The following SNX13 variants were observed in gnomAD, a reference collection of about 807,000 sequenced individuals.
SNX13 encodes the protein sorting nexin 13, also known as sorting nexin-13.
A neutral mutation model predicts 133.6 loss-of-function variants in SNX13; 45 were observed. The ratio of observed to expected loss-of-function variants is 0.34; its 90% CI spans 0.27 to 0.43. The LOEUF (loss-of-function observed/expected upper bound fraction) is 0.43. Ranked by LOEUF, SNX13 falls within the 20% of genes least tolerant of loss-of-function variation. SNX13 has a pLI of 1.00. For missense variants in SNX13, 1,032 were observed against 1,145.1 expected (o/e 0.90, Z 1.43); for synonymous variants, 414 against 373.9 (o/e 1.11, Z -1.24).
chr7:17,940,218 T>A, intron 1 of SNX13, 66 bp downstream of exon 1: 2 of 1,549,836 alleles, frequency 1.3e-6, no homozygotes, highest in Non-Finnish European at 1.7e-6. Flanking sequence ...GATGATGTTC[T>A]CTGACGGGCT....
chr7:17,847,641 T>G (rs1790703787), intron 11 of SNX13, among the ~76,000 whole-genome samples: 2 of 152,260 alleles, frequency 1.3e-5, no homozygotes, highest in Non-Finnish European at 2.9e-5. Context: ...TGCTTTTTCC[T>G]GCTTTAAAGC....
In SNX13 at chr7:17,834,454, G is replaced by T. The variant is rs538577016; in HGVS notation, c.1465-270C>A. On this transcript the variant is annotated intron_variant, in intron 14 of 25. Coordinates refer to ENST00000428135, the MANE Select transcript of SNX13 (RefSeq NM_015132.5). ...AAACAAGTACATGTAAAGGTTCAAGGCTCATGTTAAAATGAATTTGAAAGA... is the reference window on the plus strand; with the variant it reads ...AAACAAGTACATGTAAAGGTTCAAGTCTCATGTTAAAATGAATTTGAAAGA... Among the ~76,000 whole-genome samples, 4 of 151,790 alleles carry T rather than the reference G, an allele frequency of 2.6e-5. No individual in the cohort carries two copies. In the South Asian group the frequency reaches 8.3e-4, roughly 32 times the overall value.
chr7:17,830,326 T>A (rs924288973), intron 15 of SNX13: 5 of 984,388 alleles, frequency 5.1e-6, no homozygotes, highest in Non-Finnish European at 3.6e-6. Flanking sequence ...TATTAAATGT[T>A]TTTATTCTCA....
chr7:17,861,342 T>TCACACACACACACA (rs59119505), intron 9 of SNX13, among the ~76,000 whole-genome samples: 6 of 143,120 alleles, frequency 4.2e-5, no homozygotes, highest in Non-Finnish European at 4.6e-5. Context: ...TACAGTTATC[T>TCACACACACACACA]CACACACACA....
At chr7:17,835,707 TA>T (rs796877015) in intron 13 of SNX13, among the ~76,000 whole-genome samples, 1 of 150,870 alleles carries the variant, frequency 6.6e-6, no homozygotes, top group South Asian at 2.1e-4. Context: ...ATTTATCCAA[TA>T]AAATAAAGAA....
rs915432547 is a variant in SNX13, at chr7:17,831,588, C to A, written c.1598-1541G>T. ...AGAAAAACCACCAGAGGATACAGTACTATACCATATGATATGACTTGGTCC... is the reference window on the plus strand; with the variant it reads ...AGAAAAACCACCAGAGGATACAGTAATATACCATATGATATGACTTGGTCC... On this transcript the variant is annotated intron_variant, in intron 15 of 25. Coordinates refer to ENST00000428135, the MANE Select transcript of SNX13 (RefSeq NM_015132.5). 42 of 984,112 alleles carry A rather than the reference C, an allele frequency of 4.3e-5. No individual in the cohort carries two copies. The African/African-American group carries it at 7.0e-4, about 16-fold the overall frequency. The allele number at this position is 984,112 out of a possible 1,614,324, so 61.0% of individuals were successfully genotyped here.
chr7:17,872,366 C>T (rs971496027), intron 8 of SNX13, among the ~76,000 whole-genome samples: 6 of 152,106 alleles, frequency 3.9e-5, no homozygotes, highest in Admixed American at 1.3e-4. Context: ...TGAGATTCCA[C>T]GTAACAGTAG....
intron 9 of SNX13, among the ~76,000 whole-genome samples, chr7:17,852,171 C>A (rs900777917): frequency 6.6e-6 from 1 of 152,164 alleles, no homozygotes; most frequent in East Asian, 1.9e-4. Flanking sequence ...GTCAGGAGTT[C>A]GAGACCAGCC....
chr7:17,876,393 C>T (rs898380201), intron 5 of SNX13, among the ~76,000 whole-genome samples: 2 of 152,056 alleles, frequency 1.3e-5, no homozygotes, highest in African/African-American at 4.8e-5. Context: ...CCAGCCTAGT[C>T]GACATGGTGA....
intron 9 of SNX13, among the ~76,000 whole-genome samples, chr7:17,856,107 G>A (rs762345646): frequency 2.0e-5 from 3 of 152,216 alleles, no homozygotes; most frequent in South Asian, 2.1e-4. Context: ...GGCAAGAGAA[G>A]TAGAATTAGA....
At chr7:17,864,587 T>C (rs1156524873) in intron 9 of SNX13, among the ~76,000 whole-genome samples, 2 of 152,080 alleles carry the variant, frequency 1.3e-5, no homozygotes, top group African/African-American at 4.8e-5. Flanking sequence ...GGGTAAAAAG[T>C]TTATTCAAAG....
intron 20 of SNX13, among the ~76,000 whole-genome samples, chr7:17,812,698 A>G (rs529159203): frequency 6.6e-6 from 1 of 152,220 alleles, no homozygotes; most frequent in Non-Finnish European, 1.5e-5. Flanking sequence ...ATGCACACGT[A>G]TGTTTATTGC....
intron 5 of SNX13, among the ~76,000 whole-genome samples, chr7:17,877,704 C>G (rs149444373): frequency 6.7e-6 from 1 of 150,236 alleles, no homozygotes; most frequent in South Asian, 2.1e-4. Flanking sequence ...ACATTTTAAA[C>G]GAATAAAATT....
chr7:17,894,069 G>A (rs1309842219), intron 2 of SNX13, among the ~76,000 whole-genome samples: 2 of 150,776 alleles, frequency 1.3e-5, no homozygotes, highest in Non-Finnish European at 2.9e-5. Flanking sequence ...TTGGGAGGCC[G>A]AGGCAGGTGG....
At chr7:17,901,037 A>T (rs892175903) in intron 1 of SNX13, among the ~76,000 whole-genome samples, 1 of 152,072 alleles carries the variant, frequency 6.6e-6, no homozygotes, top group Admixed American at 6.5e-5. Flanking sequence ...CAGGCAATCA[A>T]TCTTGCCCGG....
chr7:17,856,591 A>G (rs1018776976), intron 9 of SNX13, among the ~76,000 whole-genome samples: 1 of 151,976 alleles, frequency 6.6e-6, no homozygotes, highest in South Asian at 2.1e-4. Context: ...CAGAAGTTTA[A>G]GACCAGCTGG....
intron 1 of SNX13, among the ~76,000 whole-genome samples, chr7:17,900,700 C>G (rs1270372862): frequency 1.3e-5 from 2 of 151,762 alleles, no homozygotes; most frequent in Non-Finnish European, 2.9e-5. Context: ...ACTCTCCCTT[C>G]AGGGCAATGG....
chr7:17,809,529 T>C (rs1295674659), intron 20 of SNX13, among the ~76,000 whole-genome samples: 1 of 152,152 alleles, frequency 6.6e-6, no homozygotes, highest in African/African-American at 2.4e-5. Flanking sequence ...TGGAAGACTT[T>C]AACACCCTAC....
intron 1 of SNX13, among the ~76,000 whole-genome samples, chr7:17,913,237 T>C (rs952934949): frequency 7.9e-5 from 12 of 152,144 alleles, no homozygotes; most frequent in Admixed American, 3.9e-4. Flanking sequence ...CACCAAAATC[T>C]GGGAATGAAC....
Sources: allele counts gnomAD v4.1 joint callset (sites outside exome capture counted in the v4.1 genomes callset), GRCh38; gene constraint gnomAD v4.1.1; transcripts MANE v1.5; gene names NCBI Gene and HGNC (gene_info 2026-07-23, HGNC 2026-07-21).